The following MEIOC variants were observed in gnomAD, a reference collection of about 807,000 sequenced individuals.
MEIOC encodes meiosis specific with coiled-coil domain, also known as meiosis-specific coiled-coil domain-containing protein MEIOC.
MEIOC carries 9 observed loss-of-function variants against 85.3 expected under a neutral mutation model. That is an observed-to-expected ratio of 0.11 (90% CI 0.06 to 0.18). MEIOC has a LOEUF of 0.18. Among genes scored for constraint, MEIOC ranks in the 10% least tolerant of loss-of-function variants. The pLI is 1.00. For synonymous variants in MEIOC, 365 were observed against 393.7 expected (o/e 0.93, Z 0.86); for missense variants, 898 against 1,129.4 (o/e 0.80, Z 2.94).
In MEIOC at chr17:44,670,538, C is replaced by CTTTTTTTTTTTTTTTTTTTTTTTTT. The variant is rs967106094; in HGVS notation, c.2457+1041_2457+1042insTTTTTTTTTTTTTTTTTTTTTTTTT. On this transcript the variant is annotated intron_variant, in intron 6 of 7. Transcript: ENST00000409122. ...ACTTAATAGGGAATTACTATCTTTCCTTTTTTTTTTTTTTTTTTTTGAGGC... is the reference window on the plus strand; with the variant it reads ...ACTTAATAGGGAATTACTATCTTTCCTTTTTTTTTTTTTTTTTTTTTTTTTTTTTTTTTTTTTTTTTTTTTGAGGC... 8.7e-4 allele frequency: 61 copies of CTTTTTTTTTTTTTTTTTTTTTTTTT among 69,972 alleles called. 14 individuals are homozygous for CTTTTTTTTTTTTTTTTTTTTTTTTT. The highest frequency in any genetic ancestry group is 2.1e-3 in the African/African-American group (49 of 23,348). 4.3% of individuals were successfully genotyped at this position (69,972 alleles called of 1,614,324 possible).
At chr17:44,661,219 CAGAGGTTGCAG>C (rs1196371267) in intron 2 of MEIOC, among the ~76,000 whole-genome samples, 2 of 134,286 alleles carry the variant, frequency 1.5e-5, no homozygotes, top group African/African-American at 5.6e-5. Flanking sequence ...ACCCGGGAGG[CAGAGGTTGCAG>C]TGAGCCGAGA....
chr17:44,657,247 TGCTACACATC>T lies in MEIOC; in HGVS notation c.193_202del (p.Tyr65ArgfsTer6). 6.4e-7 allele frequency: 1 copy of T among 1,552,018 alleles called. No individual in the cohort carries two copies. The highest frequency in any genetic ancestry group is 8.7e-7 in the Non-Finnish European group (1 of 1,146,888). On this transcript the variant is annotated frameshift_variant, in exon 2 of 8. Transcript: ENST00000409122. LOFTEE classifies it high-confidence loss of function. ...GACTGGCTCCGCTTCCTTCTACGAT[TGCTACACATC>T]GCAGGTCCTTTAGTAAACTCTGCCT...
rs985996738 is a variant in MEIOC at position 44,674,911 on chromosome 17, CAATT to C, written c.*716_*719del. 30 of 964,202 alleles carry C rather than the reference CAATT, an allele frequency of 3.1e-5. No homozygotes were observed. The South Asian group carries it at 8.6e-4, about 28-fold the overall frequency. 59.7% of individuals were successfully genotyped at this position (964,202 alleles called of 1,614,324 possible). On this transcript the variant is annotated 3_prime_UTR_variant, in exon 8 of 8. Coordinates refer to ENST00000409122, the MANE Select transcript of MEIOC (RefSeq NM_001145080.3). ...ATTCTTTAAATTTTAATTATATTAT[CAATT>C]GTTAAATGTTTCCAATTTTAAAGTT... is the stretch of plus-strand genomic sequence containing the variant.
chr17:44,665,822 A>G (rs1231278964), intron 4 of MEIOC, among the ~76,000 whole-genome samples: 1 of 152,150 alleles, frequency 6.6e-6, no homozygotes, highest in East Asian at 1.9e-4. Flanking sequence ...ACTCATTACT[A>G]CTATGCAGAA....
In MEIOC at chr17:44,674,139, T is replaced by C; in HGVS notation, c.2802T>C (p.His934=). 6.4e-7 allele frequency: 1 copy of C among 1,551,652 alleles called. No homozygotes were observed. Among genetic ancestry groups the C allele is most frequent in the Non-Finnish European group, 8.7e-7 (1 of 1,146,986 alleles). The part of the protein sequence containing the change: ...QDTVNCEDKV[H]ESINSSNPMN... The stretch of plus-strand genomic sequence containing the variant: ...CAGTAAACTGTGAAGATAAAGTCCA[T>C]GAAAGCATAAATAGTAGCAATCCAA... The change falls in exon 8 of 8, where the codon CAT becomes CAC. Residue 934 remains histidine, a synonymous_variant. Coordinates refer to ENST00000409122, the MANE Select transcript of MEIOC (RefSeq NM_001145080.3).
rs908194652 is a variant in MEIOC, at chr17:44,669,761, G to A, written c.2457+244G>A. 4.5e-5 allele frequency: 18 copies of A among 399,576 alleles called. No individual in the cohort carries two copies. The Admixed American group carries it at 6.7e-4, about 15-fold the overall frequency. The allele number at this position is 399,576 out of a possible 1,614,324, so 24.8% of individuals were successfully genotyped here. A position where few individuals can be genotyped will look rare whatever the true frequency, so the allele number is the denominator to read the frequency against. On this transcript the variant is annotated intron_variant, in intron 6 of 7. Transcript: ENST00000409122. Reference sequence around the variant, plus strand: ...TGTAGTCCCAGCTACTTGGGAGGCTGAGGCAGGAGAATCATTTAAACCCAG... The same window carrying A: ...TGTAGTCCCAGCTACTTGGGAGGCTAAGGCAGGAGAATCATTTAAACCCAG...
chr17:44,672,009 TTC>T (rs1972020150), intron 6 of MEIOC, among the ~76,000 whole-genome samples: 2 of 152,308 alleles, frequency 1.3e-5, no homozygotes, highest in South Asian at 4.1e-4. Context: ...GTGCAGACTT[TTC>T]TCTTTTTTTG....
In MEIOC at chr17:44,674,869, T is replaced by G. The variant is rs1466395781; in HGVS notation, c.*673T>G. 1 of 976,808 alleles carries G rather than the reference T, an allele frequency of 1.0e-6. No individual in the cohort carries two copies. Among genetic ancestry groups the G allele is most frequent in the Non-Finnish European group, 1.2e-6 (1 of 822,182 alleles). 60.5% of individuals were successfully genotyped at this position (976,808 alleles called of 1,614,324 possible). Reference sequence around the variant, plus strand: ...GCAAGTTACTGAATATAAAACCTATTCAGATCATTTGTGTATATTCTTTAA... The same window carrying G: ...GCAAGTTACTGAATATAAAACCTATGCAGATCATTTGTGTATATTCTTTAA... On this transcript the variant is annotated 3_prime_UTR_variant, in exon 8 of 8. Transcript: ENST00000409122.
intron 5 of MEIOC, among the ~76,000 whole-genome samples, chr17:44,669,067 G>A (rs1971957670): frequency 6.6e-6 from 1 of 152,112 alleles, no homozygotes; most frequent in Admixed American, 6.6e-5. Context: ...GCCAGGCGTG[G>A]TGGCAGGCAC....
At chr17:44,657,076 G>A (rs542829279) in intron 1 of MEIOC, 51 bp from the exon 2 acceptor site, 7 of 1,522,276 alleles carry the variant, frequency 4.6e-6, no homozygotes, top group Non-Finnish European at 4.4e-6. Context: ...TTCAGCTCCG[G>A]CGTCACCCTC....
intron 2 of MEIOC, 90 bp from the exon 3 acceptor site, chr17:44,662,227 A>G: frequency 1.0e-6 from 1 of 1,000,124 alleles, no homozygotes; most frequent in Admixed American, 2.8e-5. Context: ...CAACTCTTAC[A>G]TCTGTGTTAT....
intron 6 of MEIOC, among the ~76,000 whole-genome samples, chr17:44,671,375 T>C (rs757857241): frequency 1.3e-5 from 2 of 152,076 alleles, no homozygotes; most frequent in Non-Finnish European, 2.9e-5. Context: ...ATGCCTGTTA[T>C]AATAATTTTA....
In MEIOC at chr17:44,666,856, A is replaced by G. The variant is rs1971911679; in HGVS notation, c.945A>G (p.Gln315=). 2.5e-6 allele frequency: 4 copies of G among 1,610,916 alleles called. No individual in the cohort carries two copies. In the South Asian group the frequency reaches 3.3e-5, roughly 13 times the overall value. ...AAAGGGCAGAGATGTTTCTTTCTCA[A>G]TTTAATAGATACAATGAAAATGTAG... ...QQKRAEMFLS[Q]FNRYNENVDY... Residue 315 remains glutamine (Q), a synonymous_variant, in exon 5 of 8, where the codon CAA becomes CAG. Transcript: ENST00000409122.
At chr17:44,658,669 C>T (rs1971802982) in intron 2 of MEIOC, among the ~76,000 whole-genome samples, 1 of 151,260 alleles carries the variant, frequency 6.6e-6, no homozygotes, top group Non-Finnish European at 1.5e-5. Context: ...GGGGCAGGCA[C>T]CTGTAATCCC....
Position 44,674,087 on chromosome 17 carries a change from CTGA to C in MEIOC, c.2753_2755del (p.Asp918del). 1 of 1,551,706 alleles carries C rather than the reference CTGA, an allele frequency of 6.4e-7. No homozygotes were observed. On this transcript the variant is annotated inframe_deletion, in exon 8 of 8. Transcript: ENST00000409122. ...ACCTTGCCAAAAACAGCCAGTACAG[CTGA>C]TGTGGTAAAGCCTTTACAAGATACA... is the stretch of plus-strand genomic sequence containing the variant.
intron 4 of MEIOC, among the ~76,000 whole-genome samples, chr17:44,665,745 G>A: frequency 6.6e-6 from 1 of 152,044 alleles, no homozygotes; most frequent in Admixed American, 6.6e-5. Flanking sequence ...TTGAGTTCAT[G>A]AACTAAAGAT....
In MEIOC at chr17:44,666,439, T is replaced by C. The variant is rs1214776784; in HGVS notation, c.528T>C (p.His176=). 6.4e-7 allele frequency: 1 copy of C among 1,556,706 alleles called. No homozygotes were observed. Among genetic ancestry groups the C allele is most frequent in the Non-Finnish European group, 8.7e-7 (1 of 1,149,092 alleles). ...ACACAAGCAGATTTGCAGATCACCA[T>C]GACCTCTTAACAGAAACCAAAAGGC... ...PMNTSRFADH[H]DLLTETKRPI... The change falls in exon 5 of 8, where the codon CAT becomes CAC. Residue 176 remains histidine, a synonymous_variant. Transcript: ENST00000409122.
intron 7 of MEIOC, 105 bp from the exon 8 acceptor site, chr17:44,673,871 A>G: frequency 7.5e-7 from 1 of 1,336,540 alleles, no homozygotes; most frequent in South Asian, 1.5e-5. Context: ...TTTTTTACAA[A>G]AATAACATTT....
chr17:44,665,666 T>G (rs1157929482), intron 4 of MEIOC, among the ~76,000 whole-genome samples, 178 bp downstream of exon 4: 2 of 152,134 alleles, frequency 1.3e-5, no homozygotes, highest in African/African-American at 4.8e-5. Context: ...TAATTGGAAG[T>G]TCAGTCTAAG....
Sources: gnomAD v4.1 joint callset for allele counts (sites outside exome capture counted in the v4.1 genomes callset) on GRCh38, gnomAD v4.1.1 for gene constraint, MANE v1.5 for transcripts, NCBI Gene and HGNC (gene_info 2026-07-23, HGNC 2026-07-21) for gene names.